The following EYA1 variants were observed in gnomAD, a reference collection of about 807,000 sequenced individuals.
The protein encoded by EYA1 is protein phosphatase EYA1.
In EYA1, 16 loss-of-function variants were observed where a neutral mutation model predicts 82.0. That is an observed-to-expected ratio of 0.20 (90% CI 0.13 to 0.30). The LOEUF (loss-of-function observed/expected upper bound fraction) is 0.30, where lower values mean the gene tolerates loss of function less well. Ranked by LOEUF, EYA1 falls within the 10% of genes least tolerant of loss-of-function variation. The probability of loss-of-function intolerance (pLI) is 1.00; values close to 1 mark genes in which losing one functional copy is unlikely to be tolerated. For synonymous variants in EYA1, 261 were observed against 264.4 expected (o/e 0.99, Z 0.12); for missense variants, 633 against 730.7 (o/e 0.87, Z 1.54).
chr8:71,439,384 G>A (rs149575591), intron 2 of EYA1, among the ~76,000 whole-genome samples: 5 of 152,086 alleles, frequency 3.3e-5, no homozygotes, highest in Admixed American at 6.5e-5. Flanking sequence ...GGGGTAAAGG[G>A]GGTATGGAAA....
intron 2 of EYA1, among the ~76,000 whole-genome samples, chr8:71,489,306 C>CT (rs796429484): frequency 3.5e-4 from 52 of 149,556 alleles, no homozygotes; most frequent in East Asian, 2.1e-3. Flanking sequence ...ACTTTTCTAT[C>CT]TTTTTTTTTT....
chr8:71,399,056 C>T (rs1392169939), intron 2 of EYA1, among the ~76,000 whole-genome samples: 3 of 152,204 alleles, frequency 2.0e-5, no homozygotes, highest in Admixed American at 1.3e-4. Flanking sequence ...GCTGTGTTAG[C>T]AGTAAGTGAG....
chr8:71,381,573 A>G (rs1191285435), intron 2 of EYA1, among the ~76,000 whole-genome samples: 1 of 152,230 alleles, frequency 6.6e-6, no homozygotes, highest in African/African-American at 2.4e-5. Flanking sequence ...AGACAGGAAA[A>G]AACTGAAATG....
intron 7 of EYA1, among the ~76,000 whole-genome samples, chr8:71,306,032 T>G (rs75385463): frequency 2.0e-5 from 3 of 152,174 alleles, no homozygotes; most frequent in Admixed American, 2.0e-4. Flanking sequence ...CACACACTCA[T>G]GAAGATGACA....
At chr8:71,379,351 G>T (rs1295101076) in intron 2 of EYA1, among the ~76,000 whole-genome samples, 2 of 151,952 alleles carry the variant, frequency 1.3e-5, no homozygotes, top group Non-Finnish European at 2.9e-5. Context: ...AGGCACTAAG[G>T]CCAGGATGAT....
intron 4 of EYA1, among the ~76,000 whole-genome samples, chr8:71,331,573 C>T (rs1342206198): frequency 6.6e-6 from 1 of 150,642 alleles, no homozygotes; most frequent in African/African-American, 2.4e-5. Flanking sequence ...AATTATATTC[C>T]ACCATCTAGA....
At chr8:71,276,164 C>T (rs2128959666) in intron 9 of EYA1, among the ~76,000 whole-genome samples, 1 of 152,290 alleles carries the variant, frequency 6.6e-6, no homozygotes, top group South Asian at 2.1e-4. Context: ...TCATTGATTA[C>T]TTAGTAACAT....
At chr8:71,517,692 A>ATGTATCCTTAAG (rs1813069469) in intron 2 of EYA1, among the ~76,000 whole-genome samples, 1 of 142,902 alleles carries the variant, frequency 7.0e-6, no homozygotes, top group African/African-American at 2.6e-5. Flanking sequence ...GTTGTTCACA[A>ATGTATCCTTAAG]GATAGGAAAA....
chr8:71,322,357 G>C, intron 4 of EYA1, 89 bp from the exon 5 acceptor site: 1 of 1,159,834 alleles, frequency 8.6e-7, no homozygotes. Flanking sequence ...TTCAACTATA[G>C]GTTGGCCATA....
intron 3 of EYA1, among the ~76,000 whole-genome samples, chr8:71,350,248 A>G (rs1586498489): frequency 1.3e-5 from 2 of 152,340 alleles, no homozygotes; most frequent in Non-Finnish European, 2.9e-5. Flanking sequence ...CATTTGCTCC[A>G]GTTTAGATAT....
At chr8:71,244,168 A>G (rs1225026831) in intron 12 of EYA1, among the ~76,000 whole-genome samples, 3 of 152,240 alleles carry the variant, frequency 2.0e-5, no homozygotes, top group African/African-American at 7.2e-5. Flanking sequence ...AGGCCAGACT[A>G]AAACATCTTC....
rs1827412134 is a variant in EYA1 at position 71,361,840 on chromosome 8, C to G, written c.-248G>C. The G allele has an allele frequency of 3.0e-6, 3 of 985,366 alleles. No individual in the cohort carries two copies. The highest frequency in any genetic ancestry group is 3.6e-6 in the Non-Finnish European group (3 of 829,948). The allele number at this position is 985,366 out of a possible 1,614,324, so 61.0% of individuals were successfully genotyped here. ...AAAGCTCGGCGCAGGGGGCAGGCGCCTGGCCGCTGCCGCAGGCTCGGGCTG... is the reference window on the plus strand; with the variant it reads ...AAAGCTCGGCGCAGGGGGCAGGCGCGTGGCCGCTGCCGCAGGCTCGGGCTG... On this transcript the variant is annotated 5_prime_UTR_variant, in exon 1 of 18. Transcript: ENST00000340726.
At chr8:71,343,660 T>C (rs181944303) in intron 3 of EYA1, among the ~76,000 whole-genome samples, 2 of 152,326 alleles carry the variant, frequency 1.3e-5, no homozygotes, top group East Asian at 1.9e-4. Flanking sequence ...CCTTCATAAC[T>C]GTAAGAAATA....
chr8:71,444,408 T>G (rs1806685196), intron 2 of EYA1, among the ~76,000 whole-genome samples: 1 of 152,152 alleles, frequency 6.6e-6, no homozygotes, highest in African/African-American at 2.4e-5. Flanking sequence ...AAGTTATTGT[T>G]TGGCAGGAAC....
intron 9 of EYA1, among the ~76,000 whole-genome samples, chr8:71,297,831 T>C (rs1189058668): frequency 6.6e-6 from 1 of 152,148 alleles, no homozygotes; most frequent in Non-Finnish European, 1.5e-5. Flanking sequence ...TATGTACACA[T>C]GTAAACTGAA....
At chr8:71,396,814 C>G (rs1829647330) in intron 2 of EYA1, among the ~76,000 whole-genome samples, 1 of 152,144 alleles carries the variant, frequency 6.6e-6, no homozygotes, top group African/African-American at 2.4e-5. Flanking sequence ...CATCTTGGTG[C>G]AGAGCTGAGT....
chr8:71,413,720 G>A (rs1461762068), intron 2 of EYA1, among the ~76,000 whole-genome samples: 5 of 152,112 alleles, frequency 3.3e-5, no homozygotes, highest in African/African-American at 9.7e-5. Context: ...GTTTTGCTTT[G>A]TTTTCGCTTG....
At chr8:71,211,330 A>T in intron 16 of EYA1, 74 bp from the exon 17 acceptor site, 1 of 951,622 alleles carries the variant, frequency 1.1e-6, no homozygotes, top group Non-Finnish European at 1.7e-6. Flanking sequence ...AACTTTTTAT[A>T]TAAAATGCTT....
chr8:71,460,924 G>T (rs1808312941), intron 2 of EYA1, among the ~76,000 whole-genome samples: 1 of 152,104 alleles, frequency 6.6e-6, no homozygotes, highest in Non-Finnish European at 1.5e-5. Flanking sequence ...TGAAGTCTTT[G>T]GCTAGAAATC....
Sources: allele counts gnomAD v4.1 joint callset (sites outside exome capture counted in the v4.1 genomes callset), GRCh38; gene constraint gnomAD v4.1.1; transcripts MANE v1.5; gene names NCBI Gene and HGNC (gene_info 2026-07-23, HGNC 2026-07-21).